Variants in MYO9B observed in about 807,000 individuals in gnomAD.
The protein encoded by MYO9B is unconventional myosin-IXb.
In MYO9B, 71 loss-of-function variants were observed where a neutral mutation model predicts 229.5. The ratio of observed to expected loss-of-function variants is 0.31; its 90% confidence interval spans 0.26 to 0.38. The LOEUF is 0.38. Among genes scored for constraint, MYO9B ranks in the 10% least tolerant of loss-of-function variants. The probability of loss-of-function intolerance (pLI) is 1.00; values close to 1 mark genes in which losing one functional copy is unlikely to be tolerated. For missense variants in MYO9B, 2,255 were observed against 2,920.5 expected, an observed-to-expected ratio of 0.77 and a Z score of 5.25; for synonymous variants, 1,185 against 1,235.8, an observed-to-expected ratio of 0.96 and a Z score of 0.86.
chr19:17,188,378 A>G (rs3826695), intron 19 of MYO9B, among the ~76,000 whole-genome samples: 77,495 of 147,124 alleles, frequency 0.53, 22,191 homozygotes, highest in East Asian at 0.73. Flanking sequence ...GCAGTGAGCC[A>G]AGATTGAGCC....
At chr19:17,188,875 C>T (rs1341526891) in intron 19 of MYO9B, among the ~76,000 whole-genome samples, 1 of 151,440 alleles carries the variant, frequency 6.6e-6, no homozygotes, top group East Asian at 1.9e-4. Context: ...CAGCTGGGCA[C>T]AGTGGCTCAC....
chr19:17,202,304 G>T lies in MYO9B; in HGVS notation c.4836+1G>T. On this transcript the variant is annotated splice_donor_variant, in intron 28 of 39. Coordinates refer to ENST00000682292, the MANE Select transcript of MYO9B (RefSeq NM_004145.4). LOFTEE classifies it high-confidence loss of function. Reference sequence around the variant, plus strand: ...CAAGAACGACTTCGAGCCAGTGAAGGTGGGCAGCCCAGCATGCCACGCCCA... The same window carrying T: ...CAAGAACGACTTCGAGCCAGTGAAGTTGGGCAGCCCAGCATGCCACGCCCA... 1 of 1,558,656 alleles carries T rather than the reference G, an allele frequency of 6.4e-7. No individual in the cohort carries two copies.
intron 1 of MYO9B, among the ~76,000 whole-genome samples, chr19:17,099,971 A>T (rs921633803): frequency 6.6e-6 from 1 of 151,506 alleles, no homozygotes; most frequent in Admixed American, 6.6e-5. Flanking sequence ...TACAAAAAAA[A>T]TTAGCCGGGC....
chr19:17,138,691 C>T (rs145400997), intron 2 of MYO9B, among the ~76,000 whole-genome samples: 2 of 152,306 alleles, frequency 1.3e-5, no homozygotes, highest in Admixed American at 6.5e-5. Flanking sequence ...AATATGGTTA[C>T]GCATTGCTTA....
rs2073250045 is a variant in MYO9B at position 17,213,118 on chromosome 19, CAA to C, written c.*809_*810del. The C allele has an allele frequency of 2.6e-5, 4 of 152,284 alleles. No individual in the cohort carries two copies. The highest frequency in any genetic ancestry group is 4.4e-5 in the Non-Finnish European group (3 of 68,070). 9.4% of individuals were successfully genotyped at this position (152,284 alleles called of 1,614,324 possible). A position where few individuals can be genotyped will look rare whatever the true frequency, so the allele number is the denominator to read the frequency against. ...CAGGACTGCTCACGGGTCAGGAGGG[CAA>C]CGCCTGAAGTCAGACCTCCCTATAG... On this transcript the variant is annotated 3_prime_UTR_variant, in exon 40 of 40. Transcript: ENST00000682292.
rs759168551 is a variant in MYO9B at position 17,209,710 on chromosome 19, G to GT, written c.5748+2dup. 23 of 1,613,602 alleles carry GT rather than the reference G, an allele frequency of 1.4e-5. No homozygotes were observed. In the South Asian group the frequency reaches 2.3e-4, roughly 16 times the overall value. ...GCTTTCGCTCCTGCGACAAAATGCT[G>GT]TGAGTACCGGTGATCGTGGGGGCGG... On this transcript the variant is annotated splice_donor_variant, in intron 36 of 39. Transcript: ENST00000682292. LOFTEE classifies it high-confidence loss of function.
intron 2 of MYO9B, among the ~76,000 whole-genome samples, chr19:17,132,252 C>G (rs980171408): frequency 8.4e-6 from 1 of 119,636 alleles, no homozygotes; most frequent in Non-Finnish European, 1.6e-5. Flanking sequence ...GTGGTGCAAT[C>G]TTGACTCACT....
chr19:17,081,644 AC>A (rs1354286828), intron 1 of MYO9B, among the ~76,000 whole-genome samples: 1 of 151,946 alleles, frequency 6.6e-6, no homozygotes, highest in Non-Finnish European at 1.5e-5. Flanking sequence ...CCCAGTCTCT[AC>A]TAAAAATACA....
rs1321610257 is a variant in MYO9B, at chr19:17,200,658, T to C, written c.4392T>C (p.His1464=). Residue 1464 remains histidine, a synonymous_variant, in exon 26 of 40, where the codon CAT becomes CAC. Coordinates refer to ENST00000682292, the MANE Select transcript of MYO9B (RefSeq NM_004145.4). ...CCTCAGCCCCCTCCGGACAGCAGCA[T>C]CGCCACGCTGCAGGTGAGAAGCGCA... ...KGLEAPSGQQ[H]RHAAGEKRTK... 1 of 1,613,538 alleles carries C rather than the reference T, an allele frequency of 6.2e-7. No homozygotes were observed. Among genetic ancestry groups the C allele is most frequent in the Non-Finnish European group, 8.5e-7 (1 of 1,179,712 alleles).
intron 28 of MYO9B, 60 bp from the exon 29 acceptor site, chr19:17,202,782 G>A: frequency 3.3e-6 from 5 of 1,517,730 alleles, no homozygotes; most frequent in Non-Finnish European, 4.5e-6. Context: ...GGGTGCCAGG[G>A]GTGGGTTGGG....
intron 1 of MYO9B, among the ~76,000 whole-genome samples, chr19:17,086,245 C>T (rs947215973): frequency 1.3e-5 from 2 of 152,210 alleles, no homozygotes; most frequent in African/African-American, 4.8e-5. Context: ...ATCTCAGCTT[C>T]TCTCTCCCGG....
At chr19:17,132,992 C>A (rs1005102495) in intron 2 of MYO9B, among the ~76,000 whole-genome samples, 2 of 151,860 alleles carry the variant, frequency 1.3e-5, no homozygotes, top group Non-Finnish European at 1.5e-5. Context: ...GAACTACAGG[C>A]GCCGCCACCA....
intron 2 of MYO9B, among the ~76,000 whole-genome samples, chr19:17,106,026 A>G (rs1599328248): frequency 8.0e-6 from 1 of 124,978 alleles, no homozygotes. Flanking sequence ...CTTTCTTGTC[A>G]GGGTCTCTCT....
intron 2 of MYO9B, among the ~76,000 whole-genome samples, chr19:17,102,993 G>T (rs2057759991): frequency 6.7e-6 from 1 of 150,200 alleles, no homozygotes; most frequent in Middle Eastern, 3.2e-3. Flanking sequence ...GAGGCAAGAG[G>T]ATCGCTTGAG....
In MYO9B at chr19:17,201,884, C is replaced by T. The variant is rs951229192; in HGVS notation, c.4564-42C>T. ...GGCACCTCCTCGGGTACGCAGGTCCCCAGGCCTGAGGCACGCAGGGTCAGT... is the reference window on the plus strand; with the variant it reads ...GGCACCTCCTCGGGTACGCAGGTCCTCAGGCCTGAGGCACGCAGGGTCAGT... On this transcript the variant is annotated intron_variant, in intron 26 of 39. Transcript: ENST00000682292. 1.1e-5 allele frequency: 17 copies of T among 1,525,430 alleles called. No individual in the cohort carries two copies. The East Asian group carries it at 3.9e-4, about 35-fold the overall frequency. The allele number at this position is 1,525,430 out of a possible 1,614,324, so 94.5% of individuals were successfully genotyped here.
At position 17,184,860 on chromosome 19, in the gene MYO9B, C is replaced by T. The variant is rs773252675; in HGVS notation, c.2374-5C>T. ...GGCAGGCCGGACCCCATGTGTCTGT[C>T]CTAGAACCTACTGGACTCCAAGTCC... On this transcript the variant is annotated splice_polypyrimidine_tract_variant and splice_region_variant and intron_variant, in intron 16 of 39. Coordinates refer to ENST00000682292, the MANE Select transcript of MYO9B (RefSeq NM_004145.4). The T allele has an allele frequency of 1.9e-6, 3 of 1,613,740 alleles. No homozygotes were observed. Among genetic ancestry groups the T allele is most frequent in the Non-Finnish European group, 1.7e-6 (2 of 1,179,750 alleles).
At chr19:17,181,080 C>T in intron 15 of MYO9B, 40 bp downstream of exon 15, 4 of 1,420,792 alleles carry the variant, frequency 2.8e-6, no homozygotes, top group Non-Finnish European at 3.9e-6. Flanking sequence ...AGTGCGACAA[C>T]CGCCTCCCAC....
At chr19:17,083,279 C>T (rs1438236400) in intron 1 of MYO9B, among the ~76,000 whole-genome samples, 1 of 152,194 alleles carries the variant, frequency 6.6e-6, no homozygotes, top group East Asian at 1.9e-4. Flanking sequence ...GATCACCCGC[C>T]TCAGCCTCCC....
At chr19:17,187,741 C>T (rs967673217) in intron 18 of MYO9B, among the ~76,000 whole-genome samples, 194 bp from the exon 19 acceptor site, 3 of 152,036 alleles carry the variant, frequency 2.0e-5, no homozygotes, top group African/African-American at 7.2e-5. Context: ...GCTGCCGTGC[C>T]GTAGAACACT....
Sources: gnomAD v4.1 joint callset for allele counts (sites outside exome capture counted in the v4.1 genomes callset) on GRCh38, gnomAD v4.1.1 for gene constraint, MANE v1.5 for transcripts, NCBI Gene and HGNC (gene_info 2026-07-23, HGNC 2026-07-21) for gene names.